Variants in GLT8D2 observed in about 807,000 individuals in gnomAD.
The protein encoded by GLT8D2 is glycosyltransferase 8 domain-containing protein 2.
In GLT8D2, 45 loss-of-function variants were observed where a neutral mutation model predicts 44.5. The ratio of observed to expected loss-of-function variants is 1.01; its 90% CI spans 0.80 to 1.30. GLT8D2 has a LOEUF of 1.30. GLT8D2 is among the 50% of genes most tolerant of loss of function. The probability of loss-of-function intolerance (pLI) is 0.00; values close to 1 mark genes in which losing one functional copy is unlikely to be tolerated. For synonymous variants in GLT8D2, 156 were observed against 157.2 expected, an observed-to-expected ratio of 0.99 and a Z score of 0.06; for missense variants, 400 against 430.4, an observed-to-expected ratio of 0.93 and a Z score of 0.62.
chr12:104,013,344 T>A (rs1876119749), intron 4 of GLT8D2, among the ~76,000 whole-genome samples: 1 of 152,226 alleles, frequency 6.6e-6, no homozygotes, highest in South Asian at 2.1e-4. Flanking sequence ...AGCATAGTTT[T>A]TTTTCAGGTT....
chr12:104,015,892 A>G (rs1355651913), intron 3 of GLT8D2, among the ~76,000 whole-genome samples: 1 of 152,016 alleles, frequency 6.6e-6, no homozygotes, highest in Non-Finnish European at 1.5e-5. Context: ...AATCCCAGCT[A>G]TTTGGGAGGC....
In GLT8D2 at chr12:104,020,365, G is replaced by A. The variant is rs552102649; in HGVS notation, c.-28-689C>T. On this transcript the variant is annotated intron_variant, in intron 2 of 10. Transcript: ENST00000360814. ...GCCATCTTTCTACTATCATAACTTCGTTCCTCGATAAGGCAGATTTTACAT... is the reference window on the plus strand; with the variant it reads ...GCCATCTTTCTACTATCATAACTTCATTCCTCGATAAGGCAGATTTTACAT... Among the ~76,000 whole-genome samples, 9 of 151,758 alleles carry A rather than the reference G, an allele frequency of 5.9e-5. 1 individual carries two copies. The highest frequency in any genetic ancestry group is 1.7e-4 in the African/African-American group (7 of 41,382).
chr12:104,047,997 C>A (rs1039137237), intron 1 of GLT8D2, among the ~76,000 whole-genome samples: 7 of 152,180 alleles, frequency 4.6e-5, no homozygotes, highest in Non-Finnish European at 7.3e-5. Flanking sequence ...CAGAGTTGAA[C>A]AGTTGCAACA....
chr12:103,996,901 G>C (rs1873506006), intron 7 of GLT8D2, 54 bp from the exon 8 acceptor site: 1 of 1,283,776 alleles, frequency 7.8e-7, no homozygotes, highest in Non-Finnish European at 1.1e-6. Context: ...TTTTGGGCTA[G>C]ATAGAGCCTT....
intron 1 of GLT8D2, among the ~76,000 whole-genome samples, chr12:104,048,486 C>T (rs1881401701): frequency 6.6e-6 from 1 of 152,200 alleles, no homozygotes; most frequent in African/African-American, 2.4e-5. Flanking sequence ...GATTTAGAAT[C>T]ATTTTCCTCG....
intron 1 of GLT8D2, among the ~76,000 whole-genome samples, chr12:104,023,081 G>A (rs1306105763): frequency 6.6e-6 from 1 of 152,138 alleles, no homozygotes; most frequent in East Asian, 1.9e-4. Flanking sequence ...CCAGTCTTCT[G>A]GATTTACACG....
At chr12:103,992,483 C>G (rs1593525559) in intron 10 of GLT8D2, among the ~76,000 whole-genome samples, 1 of 148,160 alleles carries the variant, frequency 6.7e-6, no homozygotes, top group African/African-American at 2.5e-5. Flanking sequence ...TTCTCTCTCT[C>G]TCTCTCTCTT....
At position 104,017,635 on chromosome 12, in the gene GLT8D2, T is replaced by C. The variant is rs1877067075; in HGVS notation, c.19+1995A>G. Reference sequence around the variant, plus strand: ...ACTGTGCCTGGCCTAAAGAAAATATTAAGAAATGTTTAGGACAGAAGGAAC... The same window carrying C: ...ACTGTGCCTGGCCTAAAGAAAATATCAAGAAATGTTTAGGACAGAAGGAAC... On this transcript the variant is annotated intron_variant, in intron 3 of 10. Transcript: ENST00000360814. Among the ~76,000 whole-genome samples the C allele has an allele frequency of 2.0e-5, 3 of 152,256 alleles. No individual in the cohort carries two copies. In the South Asian group the frequency reaches 6.2e-4, roughly 32 times the overall value.
At chr12:104,010,110 T>C (rs1051619849) in intron 4 of GLT8D2, among the ~76,000 whole-genome samples, 1 of 152,230 alleles carries the variant, frequency 6.6e-6, no homozygotes, top group Non-Finnish European at 1.5e-5. Context: ...CTGCTGGCTG[T>C]GAACTGATCT....
chr12:104,017,953 T>C (rs1368592151), intron 3 of GLT8D2, among the ~76,000 whole-genome samples: 1 of 152,120 alleles, frequency 6.6e-6, no homozygotes, highest in African/African-American at 2.4e-5. Context: ...TATGCATCAT[T>C]GTTATTATTA....
intron 1 of GLT8D2, among the ~76,000 whole-genome samples, chr12:104,042,080 C>T (rs190939479): frequency 6.6e-6 from 1 of 152,308 alleles, no homozygotes; most frequent in Admixed American, 6.5e-5. Context: ...ACAGCTCTTC[C>T]CATCCTTTTC....
At chr12:104,013,012 T>C (rs1416362405) in intron 4 of GLT8D2, among the ~76,000 whole-genome samples, 1 of 152,094 alleles carries the variant, frequency 6.6e-6, no homozygotes, top group Non-Finnish European at 1.5e-5. Flanking sequence ...CCAGAGAAAA[T>C]ACATTTCTAT....
At chr12:104,004,290 G>A (rs959123080) in intron 4 of GLT8D2, among the ~76,000 whole-genome samples, 100 of 152,242 alleles carry the variant, frequency 6.6e-4, no homozygotes, top group African/African-American at 2.3e-3. Context: ...ATGGGCAAAA[G>A]CTGAAAGCAT....
chr12:104,041,018 G>C (rs1880491212), intron 1 of GLT8D2, among the ~76,000 whole-genome samples: 1 of 152,138 alleles, frequency 6.6e-6, no homozygotes, highest in African/African-American at 2.4e-5. Context: ...TGTAATCCCA[G>C]CACCTTGGGA....
At chr12:104,007,945 C>T (rs892987439) in intron 4 of GLT8D2, among the ~76,000 whole-genome samples, 1 of 152,216 alleles carries the variant, frequency 6.6e-6, no homozygotes, top group Non-Finnish European at 1.5e-5. Flanking sequence ...GTAAGAAGTG[C>T]CTTTCGCCTC....
At position 103,991,283 on chromosome 12, in the gene GLT8D2, T is replaced by A. The variant is rs141852653; in HGVS notation, c.881-1706A>T. 2.5e-3 allele frequency among the ~76,000 whole-genome samples: 381 copies of A among 152,242 alleles called. 2 individuals are homozygous for A. The highest frequency in any genetic ancestry group is 8.6e-3 in the African/African-American group (359 of 41,536). ...CTCAGTTCAATCTCTGCCTCCCAGGTTTAGGCTATTCTCCTGCATCAGCCT... is the reference window on the plus strand; with the variant it reads ...CTCAGTTCAATCTCTGCCTCCCAGGATTAGGCTATTCTCCTGCATCAGCCT... On this transcript the variant is annotated intron_variant, in intron 10 of 10. Transcript: ENST00000360814.
chr12:104,015,786 G>A (rs1156727010), intron 3 of GLT8D2, among the ~76,000 whole-genome samples: 1 of 151,782 alleles, frequency 6.6e-6, no homozygotes, highest in African/African-American at 2.4e-5. Flanking sequence ...CAGATCACAT[G>A]AGGCCAGGAG....
intron 3 of GLT8D2, among the ~76,000 whole-genome samples, chr12:104,016,550 C>T (rs1348567376): frequency 6.6e-6 from 1 of 151,272 alleles, no homozygotes; most frequent in African/African-American, 2.4e-5. Context: ...AAGAGAATCA[C>T]TTAAACCTGG....
Position 104,003,127 on chromosome 12 carries a change from T to G in GLT8D2, c.284+8A>C. On this transcript the variant is annotated splice_region_variant and intron_variant, in intron 5 of 10. Coordinates refer to ENST00000360814, the MANE Select transcript of GLT8D2 (RefSeq NM_001384711.1). ...AGAAAGTGCCAAAGTCTGTAAGACATAACTTACCGTATTCGAGTCAGAGTA... is the reference window on the plus strand; with the variant it reads ...AGAAAGTGCCAAAGTCTGTAAGACAGAACTTACCGTATTCGAGTCAGAGTA... 2 of 1,612,090 alleles carry G rather than the reference T, an allele frequency of 1.2e-6. No homozygotes were observed. The highest frequency in any genetic ancestry group is 4.5e-5 in the East Asian group (2 of 44,836).
Sources: allele counts gnomAD v4.1 joint callset (sites outside exome capture counted in the v4.1 genomes callset), GRCh38; gene constraint gnomAD v4.1.1; transcripts MANE v1.5; gene names NCBI Gene and HGNC (gene_info 2026-07-23, HGNC 2026-07-21).